The following SH3GL2 variants were observed in gnomAD, a reference collection of about 807,000 sequenced individuals.
The protein encoded by SH3GL2 is SH3 domain containing GRB2 like 2, endophilin A1, also known as endophilin-A1.
A neutral mutation model predicts 46.0 loss-of-function variants in SH3GL2; 24 were observed. The ratio of observed to expected loss-of-function variants is 0.52; its 90% confidence interval spans 0.38 to 0.73. The LOEUF (loss-of-function observed/expected upper bound fraction) is 0.73, where lower values mean the gene tolerates loss of function less well. Ranked by LOEUF, SH3GL2 falls within the 30% of genes least tolerant of loss-of-function variation. The probability of loss-of-function intolerance (pLI) is 0.00; values close to 1 mark genes in which losing one functional copy is unlikely to be tolerated. For missense variants in SH3GL2, 413 were observed against 424.2 expected (o/e 0.97, Z 0.23); for synonymous variants, 196 against 147.1 (o/e 1.33, Z -2.40).
At chr9:17,587,932 T>G (rs917803665) in intron 1 of SH3GL2, among the ~76,000 whole-genome samples, 1 of 151,952 alleles carries the variant, frequency 6.6e-6, no homozygotes, top group African/African-American at 2.4e-5. Flanking sequence ...TTCAACTTAA[T>G]AGGCTTCTGA....
At chr9:17,658,253 G>A (rs1379854421) in intron 1 of SH3GL2, among the ~76,000 whole-genome samples, 1 of 152,102 alleles carries the variant, frequency 6.6e-6, no homozygotes, top group East Asian at 1.9e-4. Context: ...CCCTCAGATG[G>A]GTACCTACTA....
At chr9:17,686,821 G>A (rs1215813600) in intron 1 of SH3GL2, among the ~76,000 whole-genome samples, 1 of 149,044 alleles carries the variant, frequency 6.7e-6, no homozygotes, top group Non-Finnish European at 1.5e-5. Flanking sequence ...GTTAGCACTG[G>A]GAGATATACC....
intron 1 of SH3GL2, among the ~76,000 whole-genome samples, chr9:17,681,417 A>C (rs1820763491): frequency 2.0e-5 from 3 of 152,040 alleles, no homozygotes; most frequent in Non-Finnish European, 2.9e-5. Context: ...CACATTTCTA[A>C]ATTTGTGTTA....
intron 1 of SH3GL2, among the ~76,000 whole-genome samples, chr9:17,682,121 A>G (rs909015771): frequency 6.6e-6 from 1 of 152,184 alleles, no homozygotes; most frequent in Admixed American, 6.5e-5. Flanking sequence ...GGGAATGTAA[A>G]TTAGTTCAAC....
chr9:17,581,290 A>G (rs1256136290), intron 1 of SH3GL2, among the ~76,000 whole-genome samples: 1 of 152,212 alleles, frequency 6.6e-6, no homozygotes, highest in African/African-American at 2.4e-5. Context: ...AAAGAACTTA[A>G]AAGGTTGGAG....
At chr9:17,673,116 C>T (rs1172735467) in intron 1 of SH3GL2, among the ~76,000 whole-genome samples, 1 of 151,866 alleles carries the variant, frequency 6.6e-6, no homozygotes, top group African/African-American at 2.4e-5. Flanking sequence ...TCCCTCTCTT[C>T]TACTCTTAGA....
intron 1 of SH3GL2, among the ~76,000 whole-genome samples, chr9:17,741,816 G>T (rs377459532): frequency 6.6e-6 from 1 of 152,156 alleles, no homozygotes; most frequent in Admixed American, 6.6e-5. Flanking sequence ...TCAACGAGTA[G>T]TTCGTTCCAG....
intron 1 of SH3GL2, among the ~76,000 whole-genome samples, chr9:17,660,361 A>G (rs1156921779): frequency 6.6e-6 from 1 of 152,132 alleles, no homozygotes; most frequent in Non-Finnish European, 1.5e-5. Context: ...TGTGTTCTCC[A>G]GTTTTCCACA....
intron 1 of SH3GL2, among the ~76,000 whole-genome samples, chr9:17,657,975 C>G (rs1329674664): frequency 6.6e-6 from 1 of 152,134 alleles, no homozygotes; most frequent in Non-Finnish European, 1.5e-5. Context: ...TGAAAACTTT[C>G]TATTGTTGGA....
chr9:17,673,449 A>T (rs1251472796), intron 1 of SH3GL2, among the ~76,000 whole-genome samples: 1 of 150,992 alleles, frequency 6.6e-6, no homozygotes, highest in African/African-American at 2.4e-5. Context: ...CCTGGCCTTC[A>T]CTTTGATCTT....
intron 1 of SH3GL2, among the ~76,000 whole-genome samples, chr9:17,736,123 A>G (rs1286086362): frequency 6.6e-6 from 1 of 152,140 alleles, no homozygotes; most frequent in East Asian, 1.9e-4. Context: ...TTAAGCAATG[A>G]TGAGCTGCTT....
chr9:17,704,891 G>A (rs1472329244), intron 1 of SH3GL2, among the ~76,000 whole-genome samples: 2 of 151,880 alleles, frequency 1.3e-5, no homozygotes, highest in African/African-American at 2.4e-5. Flanking sequence ...ATTTCATGAC[G>A]AAAATGCCAA....
At chr9:17,770,320 C>T (rs4961595) in intron 3 of SH3GL2, among the ~76,000 whole-genome samples, 1 of 152,114 alleles carries the variant, frequency 6.6e-6, no homozygotes, top group African/African-American at 2.4e-5. Flanking sequence ...TTTGCCCGAA[C>T]TATACAACAG....
At chr9:17,718,887 T>C (rs376217251) in intron 1 of SH3GL2, among the ~76,000 whole-genome samples, 1 of 152,150 alleles carries the variant, frequency 6.6e-6, no homozygotes, top group South Asian at 2.1e-4. Flanking sequence ...GACCATGTGA[T>C]ATAAGGAGAA....
intron 1 of SH3GL2, among the ~76,000 whole-genome samples, chr9:17,720,845 T>G (rs1821877587): frequency 6.6e-6 from 1 of 152,170 alleles, no homozygotes; most frequent in African/African-American, 2.4e-5. Flanking sequence ...CATGATGTGC[T>G]TTTAGGTGAG....
At position 17,783,655 on chromosome 9, in the gene SH3GL2, C is replaced by T. The variant is rs527359042; in HGVS notation, c.188-2726C>T. The stretch of plus-strand genomic sequence containing the variant: ...AATTTTAAGGTCAAAAAAGAAACTA[C>T]TCATTTTAGCAGAGGACAAAACAGT... On this transcript the variant is annotated intron_variant, in intron 3 of 8. Coordinates refer to ENST00000380607, the MANE Select transcript of SH3GL2 (RefSeq NM_003026.5). 7.2e-5 allele frequency among the ~76,000 whole-genome samples: 11 copies of T among 152,184 alleles called. No individual in the cohort carries two copies. The South Asian group carries it at 2.1e-3, about 29-fold the overall frequency.
chr9:17,609,938 C>T (rs1009500886), intron 1 of SH3GL2, among the ~76,000 whole-genome samples: 3 of 152,194 alleles, frequency 2.0e-5, no homozygotes, highest in South Asian at 2.1e-4. Context: ...ACGATTGGCC[C>T]TCTAACAGAG....
chr9:17,583,442 G>T (rs1305963619), intron 1 of SH3GL2, among the ~76,000 whole-genome samples: 1 of 152,174 alleles, frequency 6.6e-6, no homozygotes, highest in Non-Finnish European at 1.5e-5. Flanking sequence ...CTTCCACCGT[G>T]TGAGGGTTTA....
intron 1 of SH3GL2, among the ~76,000 whole-genome samples, chr9:17,594,443 A>G (rs985827494): frequency 6.6e-6 from 1 of 151,482 alleles, no homozygotes; most frequent in African/African-American, 2.4e-5. Flanking sequence ...ATGTGCAATG[A>G]AAATTGCATG....
Sources: gnomAD v4.1 joint callset for allele counts (sites outside exome capture counted in the v4.1 genomes callset) on GRCh38, gnomAD v4.1.1 for gene constraint, MANE v1.5 for transcripts, NCBI Gene and HGNC (gene_info 2026-07-23, HGNC 2026-07-21) for gene names.